Variants in HMCN1 observed in about 807,000 individuals in gnomAD.
The protein encoded by HMCN1 is hemicentin 1.
HMCN1 carries 321 observed loss-of-function variants against 625.9 expected under a neutral mutation model. That is an observed-to-expected ratio of 0.51 (90% CI 0.47 to 0.56). HMCN1 has a LOEUF of 0.56. HMCN1 is among the 20% of genes least tolerant of loss of function. The pLI is 0.00. For synonymous variants in HMCN1, 2,425 were observed against 2,417.6 expected (o/e 1.00, Z -0.09); for missense variants, 6,588 against 6,887.3 (o/e 0.96, Z 1.54).
intron 4 of HMCN1, among the ~76,000 whole-genome samples, chr1:185,875,668 C>T (rs967302816): frequency 6.6e-6 from 1 of 152,026 alleles, no homozygotes. Flanking sequence ...GATGTTCTCC[C>T]CTGACAGATC....
chr1:185,856,746 T>C (rs1023134658), intron 2 of HMCN1, among the ~76,000 whole-genome samples: 1 of 152,198 alleles, frequency 6.6e-6, no homozygotes, highest in Non-Finnish European at 1.5e-5. Flanking sequence ...TTTCAATTTT[T>C]ATTGCTTAGA....
At chr1:186,044,447 T>C (rs1656424117) in intron 40 of HMCN1, among the ~76,000 whole-genome samples, 1 of 152,134 alleles carries the variant, frequency 6.6e-6, no homozygotes, top group Admixed American at 6.6e-5. Context: ...TTTCCCTCTG[T>C]AGCAGACATG....
intron 1 of HMCN1, among the ~76,000 whole-genome samples, chr1:185,746,927 G>A (rs1654445668): frequency 6.6e-6 from 1 of 151,908 alleles, no homozygotes; most frequent in Non-Finnish European, 1.5e-5. Flanking sequence ...TTTTCGTGAG[G>A]ACACCAGTCA....
At chr1:185,832,023 T>C (rs1314106717) in intron 1 of HMCN1, among the ~76,000 whole-genome samples, 1 of 152,158 alleles carries the variant, frequency 6.6e-6, no homozygotes. Context: ...TGGCCGGGCG[T>C]GGTGGCTCAC....
chr1:185,783,811 C>T (rs1163974725), intron 1 of HMCN1, among the ~76,000 whole-genome samples: 1 of 152,238 alleles, frequency 6.6e-6, no homozygotes, highest in Non-Finnish European at 1.5e-5. Flanking sequence ...CTTGAGGAGG[C>T]AGTCTGACCG....
At chr1:186,099,226 T>C (rs140533675) in intron 68 of HMCN1, among the ~76,000 whole-genome samples, 149 of 152,184 alleles carry the variant, frequency 9.8e-4, no homozygotes, top group African/African-American at 3.3e-3. Context: ...CCTGATTTGA[T>C]AATTACACAA....
In HMCN1 at chr1:186,095,446, G is replaced by A. The variant is rs1660085021; in HGVS notation, c.10498G>A (p.Asp3500Asn). ...GCAGCTCCTCAAAGCAGAGACTGAA[G>A]ATTCGGGAAAGTACACCTGCATTGC... ...VLQLLKAETE[D>N]SGKYTCIASN... The change falls in exon 68 of 107, where the codon GAT (aspartate) becomes AAT (asparagine). Residue 3500 changes from aspartate (D) to asparagine (N), a missense_variant. By Grantham distance (23) the Asp-to-Asn change is conservative. Around this residue, in one of 3 missense-constraint regions of HMCN1, gnomAD observed 4,628 missense variants for 4,853.1 expected, o/e 0.95. Coordinates refer to ENST00000271588, the MANE Select transcript of HMCN1 (RefSeq NM_031935.3). 6.2e-7 allele frequency: 1 copy of A among 1,613,760 alleles called. No homozygotes were observed. Among genetic ancestry groups the A allele is most frequent in the Non-Finnish European group, 8.5e-7 (1 of 1,179,816 alleles).
chr1:185,833,971 A>G (rs965413851), intron 1 of HMCN1, among the ~76,000 whole-genome samples: 28 of 152,300 alleles, frequency 1.8e-4, no homozygotes, highest in African/African-American at 6.0e-4. Context: ...ATTAAACTAC[A>G]GATTTTTGAA....
chr1:186,035,637 T>C (rs559755646), intron 36 of HMCN1, among the ~76,000 whole-genome samples: 1 of 152,278 alleles, frequency 6.6e-6, no homozygotes, highest in African/African-American at 2.4e-5. Context: ...TTTATTTTTC[T>C]AAACATATTC....
At position 185,789,475 on chromosome 1, in the gene HMCN1, T is replaced by A. The variant is rs369932876; in HGVS notation, c.268+54428T>A. 8.5e-5 allele frequency among the ~76,000 whole-genome samples: 13 copies of A among 152,342 alleles called. 1 individual carries two copies. The East Asian group carries it at 2.3e-3, about 27-fold the overall frequency. ...TATAATGAAGAATGTTTGATTATGT[T>A]AATTAGAAAGCATATCACACACATT... On this transcript the variant is annotated intron_variant, in intron 1 of 106. Coordinates refer to ENST00000271588, the MANE Select transcript of HMCN1 (RefSeq NM_031935.3).
chr1:185,873,601 A>G (rs577819510), intron 4 of HMCN1, among the ~76,000 whole-genome samples: 6 of 152,100 alleles, frequency 3.9e-5, no homozygotes, highest in African/African-American at 1.4e-4. Context: ...TTCCTTTCAT[A>G]TTTTATATAT....
In HMCN1 at chr1:185,933,836, T is replaced by C; in HGVS notation, c.1828+12T>C. 6.2e-7 allele frequency: 1 copy of C among 1,611,696 alleles called. No homozygotes were observed. Among genetic ancestry groups the C allele is most frequent in the East Asian group, 2.2e-5 (1 of 44,876 alleles). ...CCTCACAGTGCAAGGTACAGTGCTT[T>C]GGTAACTTCTGAATTATGACATCTT... On this transcript the variant is annotated intron_variant, in intron 11 of 106. Transcript: ENST00000271588.
intron 97 of HMCN1, among the ~76,000 whole-genome samples, chr1:186,155,355 T>A (rs1031409434): frequency 2.0e-5 from 3 of 152,162 alleles, no homozygotes; most frequent in African/African-American, 4.8e-5. Context: ...CTTTTACTAT[T>A]GCCATGCATG....
intron 105 of HMCN1, among the ~76,000 whole-genome samples, chr1:186,187,374 C>T (rs1180167582): frequency 6.6e-6 from 1 of 152,084 alleles, no homozygotes; most frequent in African/African-American, 2.4e-5. Flanking sequence ...TACCATCTCT[C>T]CTGAATTCAT....
At chr1:185,880,963 C>G (rs761155204) in intron 4 of HMCN1, among the ~76,000 whole-genome samples, 1 of 152,212 alleles carries the variant, frequency 6.6e-6, no homozygotes, top group Non-Finnish European at 1.5e-5. Context: ...GGAGCCAGAG[C>G]GAGTGCTTTT....
intron 1 of HMCN1, among the ~76,000 whole-genome samples, chr1:185,809,558 G>A (rs1160599376): frequency 6.6e-6 from 1 of 151,734 alleles, no homozygotes; most frequent in Non-Finnish European, 1.5e-5. Context: ...TGTGCATCTT[G>A]TATTCAGTAA....
At chr1:185,989,978 T>C (rs987071691) in intron 21 of HMCN1, among the ~76,000 whole-genome samples, 3 of 152,124 alleles carry the variant, frequency 2.0e-5, no homozygotes, top group Non-Finnish European at 4.4e-5. Context: ...ACCTCAGCTA[T>C]GTCTTGGGTA....
chr1:186,150,082 A>G (rs77663022), intron 93 of HMCN1, among the ~76,000 whole-genome samples: 2 of 152,172 alleles, frequency 1.3e-5, no homozygotes, highest in East Asian at 1.9e-4. Flanking sequence ...TGTTGCAAAA[A>G]TGGTACCGGT....
At chr1:185,803,205 C>CAAAAAAAAAAAA in intron 1 of HMCN1, among the ~76,000 whole-genome samples, 14 of 58,784 alleles carry the variant, frequency 2.4e-4, no homozygotes, top group South Asian at 7.6e-4. Flanking sequence ...AAAAAAAAAG[C>CAAAAAAAAAAAA]AAAAAAAAAA....
Sources: allele counts gnomAD v4.1 joint callset (sites outside exome capture counted in the v4.1 genomes callset), GRCh38; gene constraint gnomAD v4.1.1; regional missense constraint gnomAD v4.1.1; transcripts MANE v1.5; gene names NCBI Gene and HGNC (gene_info 2026-07-23, HGNC 2026-07-21).